The following FARP1 variants were observed in gnomAD, a reference collection of about 807,000 sequenced individuals.
FARP1 encodes FERM, ARH/RhoGEF and pleckstrin domain protein 1, also known as FERM, ARHGEF and pleckstrin domain-containing protein 1.
In FARP1, 52 loss-of-function variants were observed where a neutral mutation model predicts 128.8. The ratio of observed to expected loss-of-function variants is 0.40; its 90% CI spans 0.32 to 0.51. FARP1 has a LOEUF of 0.51. Ranked by LOEUF, FARP1 falls within the 20% of genes least tolerant of loss-of-function variation. The pLI is 0.45. For missense variants in FARP1, 1,333 were observed against 1,367.9 expected (o/e 0.97, Z 0.40); for synonymous variants, 580 against 551.8 (o/e 1.05, Z -0.72).
chr13:98,349,671 GGAAAAAAAAAA>G (rs572608662), intron 3 of FARP1, among the ~76,000 whole-genome samples: 11,163 of 82,944 alleles, frequency 0.13, 646 homozygotes, highest in Middle Eastern at 0.23. Flanking sequence ...CCCATCTCAG[GGAAAAAAAAAA>G]AAAAAAAAAA....
At chr13:98,344,934 T>C (rs978356980) in intron 3 of FARP1, among the ~76,000 whole-genome samples, 1 of 152,172 alleles carries the variant, frequency 6.6e-6, no homozygotes, top group Non-Finnish European at 1.5e-5. Context: ...TTCTGCCTTC[T>C]CCTATTCAGC....
chr13:98,435,525 G>C (rs1392051278), intron 18 of FARP1, 51 bp from the exon 19 acceptor site: 8 of 1,562,832 alleles, frequency 5.1e-6, no homozygotes, highest in Non-Finnish European at 6.9e-6. Context: ...GCTAGGGGAA[G>C]ACCCCTGCCT....
At chr13:98,363,043 T>G (rs774333596) in intron 3 of FARP1, among the ~76,000 whole-genome samples, 2 of 152,254 alleles carry the variant, frequency 1.3e-5, no homozygotes, top group Non-Finnish European at 2.9e-5. Flanking sequence ...GCATCCATTC[T>G]TGCTCCTTCT....
At chr13:98,212,978 C>T (rs141209415) in intron 1 of FARP1, among the ~76,000 whole-genome samples, 10 of 152,046 alleles carry the variant, frequency 6.6e-5, no homozygotes, top group Non-Finnish European at 4.4e-5. Flanking sequence ...GACTGTAAAA[C>T]GAGAAAGGAA....
At chr13:98,324,452 T>C (rs575404808) in intron 2 of FARP1, among the ~76,000 whole-genome samples, 1 of 152,382 alleles carries the variant, frequency 6.6e-6, no homozygotes, top group South Asian at 2.1e-4. Context: ...CAAGTTGTTA[T>C]GAAGCTGAAA....
At chr13:98,210,636 G>A (rs1181924405) in intron 1 of FARP1, among the ~76,000 whole-genome samples, 1 of 150,966 alleles carries the variant, frequency 6.6e-6, no homozygotes, top group African/African-American at 2.4e-5. Flanking sequence ...TGCAACCTCC[G>A]CCTTCCGGGT....
intron 2 of FARP1, among the ~76,000 whole-genome samples, chr13:98,277,238 G>T (rs1446584952): frequency 6.6e-6 from 1 of 151,756 alleles, no homozygotes; most frequent in Non-Finnish European, 1.5e-5. Context: ...CTGTAACTTT[G>T]AACTCCTGGG....
chr13:98,322,630 TG>T (rs1216806835), intron 2 of FARP1, among the ~76,000 whole-genome samples: 1 of 152,208 alleles, frequency 6.6e-6, no homozygotes, highest in Non-Finnish European at 1.5e-5. Flanking sequence ...TGCTCCTTAT[TG>T]GAAACAGAAG....
chr13:98,310,021 C>T (rs1886385329), intron 2 of FARP1, among the ~76,000 whole-genome samples: 1 of 145,826 alleles, frequency 6.9e-6, no homozygotes. Context: ...GCCGATGGGA[C>T]CATCCTCTCT....
intron 3 of FARP1, among the ~76,000 whole-genome samples, chr13:98,361,662 G>A (rs886461172): frequency 1.3e-5 from 2 of 152,178 alleles, no homozygotes; most frequent in African/African-American, 4.8e-5. Flanking sequence ...GATTTTACAA[G>A]GGAAACAGAA....
intron 24 of FARP1, among the ~76,000 whole-genome samples, chr13:98,444,132 C>G (rs1892673226): frequency 1.3e-5 from 2 of 151,820 alleles, no homozygotes; most frequent in African/African-American, 2.4e-5. Context: ...CGACTCCACC[C>G]ATGTTGCAGG....
intron 1 of FARP1, among the ~76,000 whole-genome samples, chr13:98,194,109 C>G (rs6491401): frequency 0.68 from 102,931 of 151,620 alleles, 36,109 homozygotes; most frequent in Non-Finnish European, 0.76. Context: ...ATTTTATTTT[C>G]TATTTATTAT....
intron 2 of FARP1, among the ~76,000 whole-genome samples, chr13:98,327,335 T>C (rs1262581738): frequency 3.3e-5 from 5 of 152,206 alleles, no homozygotes; most frequent in East Asian, 1.9e-4. Context: ...CCATGTTTCT[T>C]AGTATATATC....
chr13:98,245,368 A>C, intron 2 of FARP1: 1 of 985,020 alleles, frequency 1.0e-6, no homozygotes, highest in Non-Finnish European at 1.2e-6. Flanking sequence ...AGAACAGTTG[A>C]TTTTAATGAG....
At chr13:98,374,049 T>C (rs1462968546) in intron 5 of FARP1, among the ~76,000 whole-genome samples, 1 of 152,224 alleles carries the variant, frequency 6.6e-6, no homozygotes, top group Non-Finnish European at 1.5e-5. Flanking sequence ...CATACATATG[T>C]ACTTTTCATC....
At chr13:98,417,422 A>AC (rs2140134404) in intron 16 of FARP1, among the ~76,000 whole-genome samples, 1 of 146,248 alleles carries the variant, frequency 6.8e-6, no homozygotes, top group East Asian at 2.0e-4. Context: ...CAGCATAAAA[A>AC]CCAGCAAAGG....
chr13:98,322,646 A>T (rs1279374291), intron 2 of FARP1, among the ~76,000 whole-genome samples: 1 of 151,874 alleles, frequency 6.6e-6, no homozygotes, highest in Non-Finnish European at 1.5e-5. Context: ...CAGAAGGAAA[A>T]CTCTTGTGTG....
Position 98,384,792 on chromosome 13 carries a change from C to A in FARP1, c.559C>A (p.Pro187Thr), listed in dbSNP as rs1327520622. Residue 187 changes from proline (P) to threonine (T), a missense_variant, in exon 7 of 27, where the codon CCT becomes ACT. Physicochemically the swap from Pro to Thr is conservative, Grantham distance 38. This residue lies in a region of FARP1 where 324 missense variants were observed against 398.1 expected (regional missense o/e 0.81). Transcript: ENST00000319562. ...GCACTTAGCAAAAAATAAATACATA[C>A]CTCAGCAAGACGCACTAGAGGACAA... is the stretch of plus-strand genomic sequence containing the variant. ...REHLAKNKYI[P>T]QQDALEDKIV... The A allele has an allele frequency of 1.2e-6, 2 of 1,613,712 alleles. No homozygotes were observed. The highest frequency in any genetic ancestry group is 3.3e-5 in the Admixed American group (2 of 59,998).
intron 24 of FARP1, among the ~76,000 whole-genome samples, chr13:98,442,638 G>A (rs146464514): frequency 9.2e-5 from 14 of 152,314 alleles, no homozygotes; most frequent in African/African-American, 3.1e-4. Flanking sequence ...AGGCCTGTGC[G>A]CAAAGCTTGC....
Sources: allele counts gnomAD v4.1 joint callset (sites outside exome capture counted in the v4.1 genomes callset), GRCh38; gene constraint gnomAD v4.1.1; regional missense constraint gnomAD v4.1.1; transcripts MANE v1.5; gene names NCBI Gene and HGNC (gene_info 2026-07-23, HGNC 2026-07-21).